Variants in CORIN observed in about 807,000 individuals in gnomAD.
CORIN encodes the protein atrial natriuretic peptide-converting enzyme.
Under a neutral mutation model 125.3 loss-of-function variants are expected in CORIN, and 117 were observed. That is an observed-to-expected ratio of 0.93 (90% CI 0.80 to 1.09). The LOEUF (loss-of-function observed/expected upper bound fraction) is 1.09. CORIN is among the 50% of genes least tolerant of loss of function. The pLI is 0.00. For synonymous variants in CORIN, 450 were observed against 466.4 expected, an observed-to-expected ratio of 0.96 and a Z score of 0.45; for missense variants, 1,253 against 1,306.7, an observed-to-expected ratio of 0.96 and a Z score of 0.63.
At chr4:47,647,570 C>T (rs904243132) in intron 13 of CORIN, among the ~76,000 whole-genome samples, 4 of 152,160 alleles carry the variant, frequency 2.6e-5, no homozygotes, top group African/African-American at 7.2e-5. Context: ...TATGTATCCA[C>T]ATTCTAGATA....
rs77956204 is a variant in CORIN at position 47,805,390 on chromosome 4, G to A, written c.208+1513C>T. Among the ~76,000 whole-genome samples, 352 of 151,996 alleles carry A rather than the reference G, an allele frequency of 2.3e-3. 3 individuals are homozygous for A. The East Asian group carries it at 0.04, about 17-fold the overall frequency. On this transcript the variant is annotated intron_variant, in intron 2 of 21. Transcript: ENST00000273857. ...CTGGTTACCCAAGCCAGAAATCCAG[G>A]AGTCAGCCTTGACTCCTCTCTCCCT...
intron 1 of CORIN, among the ~76,000 whole-genome samples, chr4:47,836,121 TGG>T (rs61758480): frequency 6.6e-6 from 1 of 152,174 alleles, no homozygotes; most frequent in Non-Finnish European, 1.5e-5. Context: ...AAGCATTCTA[TGG>T]AAAACCTGCC....
At chr4:47,640,380 G>C (rs980622652) in intron 16 of CORIN, among the ~76,000 whole-genome samples, 3 of 152,166 alleles carry the variant, frequency 2.0e-5, no homozygotes, top group African/African-American at 4.8e-5. Flanking sequence ...AAAGAAACCA[G>C]ATGAAAAGGC....
chr4:47,632,768 G>GATAGAT (rs1560481524), intron 16 of CORIN, among the ~76,000 whole-genome samples: 2 of 96,754 alleles, frequency 2.1e-5, no homozygotes, highest in African/African-American at 3.9e-5. Context: ...GATAGATAGA[G>GATAGAT]ATAGATAGTT....
chr4:47,786,821 G>A lies in CORIN; in HGVS notation c.313C>T (p.Gln105Ter), dbSNP rs768379313. 16 of 1,613,864 alleles carry A rather than the reference G, an allele frequency of 9.9e-6. No homozygotes were observed. The South Asian group carries it at 1.3e-4, about 13-fold the overall frequency. ...TGTGCAGTAGACACCACAGTGCTCT[G>A]GTTATAAATTGTATTTGTAAGAATA... ...DVILTNTIYN[Q>*]STVVSTAHPD... Residue 105 changes from glutamine (Q) to a stop codon, truncating the protein, a stop_gained, in exon 3 of 22, where the codon CAG becomes TAG. Coordinates refer to ENST00000273857, the MANE Select transcript of CORIN (RefSeq NM_006587.4). LOFTEE classifies it high-confidence loss of function.
chr4:47,610,210 C>T, intron 19 of CORIN, among the ~76,000 whole-genome samples: 1 of 152,196 alleles, frequency 6.6e-6, no homozygotes, highest in East Asian at 1.9e-4. Context: ...AATTAATTTA[C>T]ACTCCCACCA....
rs113114036 is a variant in CORIN, at chr4:47,681,686, C to T, written c.1022-1435G>A. ...AAGACTAGTCAGTCCCAGGATATAA[C>T]CCACATCTAAATGTAAATTAGTATA... On this transcript the variant is annotated intron_variant, in intron 7 of 21. Transcript: ENST00000273857. 7.9e-5 allele frequency: 12 copies of T among 152,282 alleles called. 1 individual carries two copies. Among genetic ancestry groups the T allele is most frequent in the African/African-American group, 2.4e-4 (10 of 41,546 alleles). The allele number at this position is 152,282 out of a possible 1,614,324, so 9.4% of individuals were successfully genotyped here. A position where few individuals can be genotyped will look rare whatever the true frequency, so the allele number is the denominator to read the frequency against.
chr4:47,746,656 T>C (rs983639943), intron 4 of CORIN, among the ~76,000 whole-genome samples: 1 of 152,104 alleles, frequency 6.6e-6, no homozygotes, highest in Non-Finnish European at 1.5e-5. Context: ...TGCCACAGCT[T>C]CCCGAGTAGC....
intron 16 of CORIN, among the ~76,000 whole-genome samples, chr4:47,631,684 T>C (rs1034913609): frequency 2.6e-5 from 4 of 152,192 alleles, no homozygotes; most frequent in Admixed American, 2.0e-4. Context: ...CATCCCAGTC[T>C]GTGGAAAAAT....
At chr4:47,600,455 T>C in intron 20 of CORIN, 108 bp from the exon 21 acceptor site, 1 of 723,246 alleles carries the variant, frequency 1.4e-6, no homozygotes, top group Non-Finnish European at 2.1e-6. Context: ...AATATTTTTA[T>C]ACCAAGAGAG....
rs1725108661 is a variant in CORIN, at chr4:47,678,039, C to A, written c.1148G>T (p.Gly383Val). The A allele has an allele frequency of 1.2e-6, 2 of 1,613,554 alleles. No individual in the cohort carries two copies. Among genetic ancestry groups the A allele is most frequent in the Non-Finnish European group, 1.7e-6 (2 of 1,179,628 alleles). Residue 383 changes from glycine (G) to valine (V), a missense_variant, in exon 9 of 22, where the codon GGT becomes GTT. Coordinates refer to ENST00000273857, the MANE Select transcript of CORIN (RefSeq NM_006587.4). ...TTGTCCATTTCTGCATTCCACCAGA[C>A]CCTGGCTGTGACAGGCTAGGAAGGA... ...DEVNCSCHSQ[G>V]LVECRNGQCI...
intron 3 of CORIN, among the ~76,000 whole-genome samples, chr4:47,768,558 T>C (rs1313879831): frequency 6.6e-6 from 1 of 152,172 alleles, no homozygotes; most frequent in Non-Finnish European, 1.5e-5. Flanking sequence ...TTGATGAATA[T>C]AGATACAAAA....
Position 47,786,919 on chromosome 4 carries a change from A to G in CORIN, c.215T>C (p.Leu72Ser), listed in dbSNP as rs1730840997. The G allele has an allele frequency of 6.2e-7, 1 of 1,606,294 alleles. No individual in the cohort carries two copies. The highest frequency in any genetic ancestry group is 1.7e-5 in the Admixed American group (1 of 59,242). ...ATTTGATTTAAAATAGACCTTTTGT[A>G]ATGTTCCTGAAAGACAAAAACAAAC... Reference protein sequence around the residue: ...LVILLSYVGTLQKVYFKSNGS... With the variant: ...LVILLSYVGTSQKVYFKSNGS... The change falls in exon 3 of 22, where the codon TTA becomes TCA. Residue 72 changes from leucine (L) to serine (S), a missense_variant. Physicochemically the swap from Leu to Ser is moderately radical, Grantham distance 145 (BLOSUM62 -2). Coordinates refer to ENST00000273857, the MANE Select transcript of CORIN (RefSeq NM_006587.4).
chr4:47,630,883 C>T (rs888709293), intron 16 of CORIN, among the ~76,000 whole-genome samples: 6 of 152,222 alleles, frequency 3.9e-5, no homozygotes, highest in Middle Eastern at 3.4e-3. Context: ...TGTCTCTCTA[C>T]CAAGATCACA....
At chr4:47,642,734 C>T (rs1206050548) in intron 15 of CORIN, 6 of 831,998 alleles carry the variant, frequency 7.2e-6, no homozygotes, top group African/African-American at 3.5e-5. Flanking sequence ...AGGAGCTAGA[C>T]AGTTAGAAGT....
intron 3 of CORIN, among the ~76,000 whole-genome samples, chr4:47,782,307 C>T (rs1014547719): frequency 1.3e-5 from 2 of 151,506 alleles, no homozygotes; most frequent in South Asian, 4.2e-4. Context: ...ATCGCCTGAA[C>T]CCAGGAGGCG....
intron 3 of CORIN, among the ~76,000 whole-genome samples, chr4:47,786,055 A>G (rs1730788814): frequency 6.6e-6 from 1 of 152,228 alleles, no homozygotes; most frequent in African/African-American, 2.4e-5. Context: ...AAGTAACTTA[A>G]AACTTCAAAA....
At chr4:47,740,177 T>G (rs1728322095) in intron 5 of CORIN, among the ~76,000 whole-genome samples, 2 of 151,972 alleles carry the variant, frequency 1.3e-5, no homozygotes, top group African/African-American at 2.4e-5. Flanking sequence ...AAGGCATACT[T>G]TATATTCAGA....
intron 16 of CORIN, among the ~76,000 whole-genome samples, chr4:47,631,289 G>A (rs1283764586): frequency 6.6e-6 from 1 of 152,198 alleles, no homozygotes; most frequent in Non-Finnish European, 1.5e-5. Flanking sequence ...ACAGCAGGAG[G>A]TGAGTGCGGG....
Sources: gnomAD v4.1 joint callset for allele counts (sites outside exome capture counted in the v4.1 genomes callset) on GRCh38, gnomAD v4.1.1 for gene constraint, MANE v1.5 for transcripts, NCBI Gene and HGNC (gene_info 2026-07-23, HGNC 2026-07-21) for gene names.